The following PLCL1 variants were observed in gnomAD, a reference collection of about 807,000 sequenced individuals.
PLCL1 encodes the protein inactive phospholipase C-like protein 1.
In PLCL1, 41 loss-of-function variants were observed where a neutral mutation model predicts 84.4. The observed-to-expected ratio is 0.49, with a 90% CI of 0.38 to 0.63. PLCL1 has a LOEUF of 0.63. Among genes scored for constraint, PLCL1 ranks in the 30% least tolerant of loss-of-function variants. The pLI is 0.00. For missense variants in PLCL1, 1,206 were observed against 1,367.8 expected (o/e 0.88, Z 1.87); for synonymous variants, 490 against 488.3 (o/e 1.00, Z -0.05).
intron 1 of PLCL1, among the ~76,000 whole-genome samples, chr2:197,946,439 T>G (rs1689271497): frequency 6.6e-6 from 1 of 152,074 alleles, no homozygotes; most frequent in Admixed American, 6.6e-5. Context: ...AACAGGCTGT[T>G]TACAGAAAAA....
chr2:198,035,188 A>G (rs1442610388), intron 1 of PLCL1, among the ~76,000 whole-genome samples: 1 of 152,232 alleles, frequency 6.6e-6, no homozygotes, highest in Non-Finnish European at 1.5e-5. Context: ...GAAGAAAGGA[A>G]TTATAGATAT....
chr2:198,032,758 T>C (rs1301620103), intron 1 of PLCL1, among the ~76,000 whole-genome samples: 1 of 152,158 alleles, frequency 6.6e-6, no homozygotes, highest in Non-Finnish European at 1.5e-5. Flanking sequence ...GGTTATAAGA[T>C]CAAATAAGAA....
At chr2:197,824,958 T>A (rs1690898425) in intron 1 of PLCL1, among the ~76,000 whole-genome samples, 1 of 152,146 alleles carries the variant, frequency 6.6e-6, no homozygotes, top group African/African-American at 2.4e-5. Context: ...CAGCTATTAC[T>A]CATTTTATTA....
chr2:198,062,363 A>G (rs1240601218), intron 1 of PLCL1, among the ~76,000 whole-genome samples: 1 of 152,176 alleles, frequency 6.6e-6, no homozygotes, highest in Non-Finnish European at 1.5e-5. Context: ...AAGCTTCTTT[A>G]TTAACTTCTG....
chr2:197,907,905 A>G (rs1688414888), intron 1 of PLCL1, among the ~76,000 whole-genome samples: 1 of 152,110 alleles, frequency 6.6e-6, no homozygotes, highest in South Asian at 2.1e-4. Flanking sequence ...AAATCACCTT[A>G]CATTCTAAGT....
chr2:197,901,297 G>A (rs1688261933), intron 1 of PLCL1, among the ~76,000 whole-genome samples: 1 of 152,070 alleles, frequency 6.6e-6, no homozygotes, highest in African/African-American at 2.4e-5. Flanking sequence ...TAAGAAATGA[G>A]GAATTTATAA....
chr2:198,018,373 C>T (rs987780529), intron 1 of PLCL1, among the ~76,000 whole-genome samples: 6 of 152,130 alleles, frequency 3.9e-5, no homozygotes, highest in Non-Finnish European at 7.4e-5. Flanking sequence ...GGAACACCAG[C>T]GAGACAGAAC....
chr2:197,956,529 T>G (rs1203514192), intron 1 of PLCL1, among the ~76,000 whole-genome samples: 1 of 152,202 alleles, frequency 6.6e-6, no homozygotes, highest in Non-Finnish European at 1.5e-5. Flanking sequence ...TAATTTACAT[T>G]CCTACCAACA....
At chr2:197,890,793 T>C (rs1369814630) in intron 1 of PLCL1, among the ~76,000 whole-genome samples, 58 of 144,976 alleles carry the variant, frequency 4.0e-4, no homozygotes, top group African/African-American at 1.3e-3. Flanking sequence ...TATATATGTA[T>C]ATATATATTT....
chr2:197,882,682 A>C (rs906721214), intron 1 of PLCL1, among the ~76,000 whole-genome samples: 1 of 152,232 alleles, frequency 6.6e-6, no homozygotes, highest in African/African-American at 2.4e-5. Context: ...AACAAGAATA[A>C]AAAATTCTAA....
intron 5 of PLCL1, among the ~76,000 whole-genome samples, chr2:198,128,490 G>C (rs1443849018): frequency 1.3e-5 from 2 of 152,138 alleles, no homozygotes; most frequent in Non-Finnish European, 2.9e-5. Flanking sequence ...TGAAATTATG[G>C]AGAGGAAATC....
At chr2:198,054,692 T>C (rs1692019985) in intron 1 of PLCL1, among the ~76,000 whole-genome samples, 1 of 152,226 alleles carries the variant, frequency 6.6e-6, no homozygotes, top group African/African-American at 2.4e-5. Flanking sequence ...AAAAATTGAC[T>C]TCCAAATGGC....
At chr2:197,866,609 C>T (rs1006824528) in intron 1 of PLCL1, among the ~76,000 whole-genome samples, 1 of 152,058 alleles carries the variant, frequency 6.6e-6, no homozygotes, top group Non-Finnish European at 1.5e-5. Flanking sequence ...TTCCAGCAGC[C>T]CTCATCTAAT....
At chr2:197,890,395 C>T (rs1167930537) in intron 1 of PLCL1, among the ~76,000 whole-genome samples, 2 of 152,066 alleles carry the variant, frequency 1.3e-5, no homozygotes, top group Non-Finnish European at 2.9e-5. Flanking sequence ...CAACACCAAC[C>T]TTTGGATCAC....
At chr2:198,007,960 G>A (rs6434951) in intron 1 of PLCL1, among the ~76,000 whole-genome samples, 192 of 152,116 alleles carry the variant, frequency 1.3e-3, no homozygotes, top group African/African-American at 4.2e-3. Flanking sequence ...TTATTTCTAA[G>A]CCTCCCAGCA....
intron 1 of PLCL1, among the ~76,000 whole-genome samples, chr2:198,069,224 C>T (rs11690205): frequency 0.44 from 65,929 of 150,560 alleles, 15,309 homozygotes; most frequent in Middle Eastern, 0.64. Context: ...GGCACGGTGG[C>T]TCATGCCTGT....
chr2:197,805,120 C>T lies in PLCL1; in HGVS notation c.21C>T (p.Gly7=). Residue 7 remains glycine (G), a synonymous_variant, in exon 1 of 6, where the codon GGC becomes GGT. Transcript: ENST00000428675. This position sits in a 1 kb window ranked among gnomAD's most constrained non-coding sequence, Gnocchi z 4.0. MAEGAA[G]REDPAPPDAA... is the part of the protein sequence containing the mutation. Reference sequence around the variant, plus strand: ...AGGCCATGGCCGAGGGCGCGGCCGGCAGGGAGGATCCGGCGCCGCCCGACG... The same window carrying T: ...AGGCCATGGCCGAGGGCGCGGCCGGTAGGGAGGATCCGGCGCCGCCCGACG... 7.6e-7 allele frequency: 1 copy of T among 1,323,350 alleles called. No homozygotes were observed. The highest frequency in any genetic ancestry group is 9.6e-7 in the Non-Finnish European group (1 of 1,041,314). 82.0% of individuals were successfully genotyped at this position (1,323,350 alleles called of 1,614,324 possible).
chr2:198,104,625 C>T (rs1198553622), intron 5 of PLCL1, among the ~76,000 whole-genome samples: 4 of 152,066 alleles, frequency 2.6e-5, no homozygotes, highest in African/African-American at 9.7e-5. Context: ...ACACTGCTTT[C>T]CACATGGCTG....
rs750443287 is a variant in PLCL1, at chr2:198,084,006, A to T, written c.489A>T (p.Ile163=). 5 of 1,614,092 alleles carry T rather than the reference A, an allele frequency of 3.1e-6. No individual in the cohort carries two copies. Among genetic ancestry groups the T allele is most frequent in the Middle Eastern group, 1.6e-4 (1 of 6,082 alleles). Residue 163 remains isoleucine, a synonymous_variant, in exon 2 of 6, where the codon ATA becomes ATT. Coordinates refer to ENST00000428675, the MANE Select transcript of PLCL1 (RefSeq NM_006226.4). ...AAGCCAAGCTTGATATTTCTGCCAT[A>T]AAAGAGATCAGACTGGGGAAAAACA... ...LEKAKLDISA[I]KEIRLGKNTE...
Sources: gnomAD v4.1 joint callset for allele counts (sites outside exome capture counted in the v4.1 genomes callset) on GRCh38, gnomAD v4.1.1 for gene constraint, Gnocchi (gnomAD v3.1) non-coding constraint, MANE v1.5 for transcripts, NCBI Gene and HGNC (gene_info 2026-07-23, HGNC 2026-07-21) for gene names.